SEMA3A: variants seen among roughly 807,000 people sequenced by gnomAD.
The protein encoded by SEMA3A is semaphorin 3A, also known as semaphorin-3A.
A neutral mutation model predicts 97.9 loss-of-function variants in SEMA3A; 29 were observed. That is an observed-to-expected ratio of 0.30 (90% CI 0.22 to 0.40). The LOEUF is 0.40. SEMA3A is among the 10% of genes least tolerant of loss of function. The pLI is 1.00. For missense variants in SEMA3A, 763 were observed against 951.3 expected (o/e 0.80, Z 2.60); for synonymous variants, 321 against 323.7 (o/e 0.99, Z 0.09).
At chr7:84,312,128 C>A (rs1449668713) in intron 2 of SEMA3A, among the ~76,000 whole-genome samples, 1 of 151,896 alleles carries the variant, frequency 6.6e-6, no homozygotes, top group African/African-American at 2.4e-5. Context: ...TTTAAGTAAG[C>A]AACTTCCAAA....
chr7:84,450,563 G>C (rs1051192438), intron 1 of SEMA3A, among the ~76,000 whole-genome samples: 1 of 152,188 alleles, frequency 6.6e-6, no homozygotes, highest in African/African-American at 2.4e-5. Context: ...ATTCTGGAAA[G>C]CTTTCCTAAA....
intron 3 of SEMA3A, among the ~76,000 whole-genome samples, chr7:84,272,107 A>G (rs1395574764): frequency 1.3e-5 from 2 of 152,102 alleles, no homozygotes; most frequent in Non-Finnish European, 2.9e-5. Flanking sequence ...TAATCAATGG[A>G]AAAAATAACT....
At chr7:84,379,574 T>G (rs2116133850) in intron 1 of SEMA3A, among the ~76,000 whole-genome samples, 2 of 152,234 alleles carry the variant, frequency 1.3e-5, no homozygotes, top group African/African-American at 4.8e-5. Flanking sequence ...CATAATTGTA[T>G]CTATTTATAA....
At chr7:84,441,544 A>G (rs148259358) in intron 1 of SEMA3A, among the ~76,000 whole-genome samples, 5 of 152,202 alleles carry the variant, frequency 3.3e-5, no homozygotes, top group Non-Finnish European at 5.9e-5. Context: ...ACAATGCCTT[A>G]GAGACCTATA....
At chr7:84,487,361 G>A (rs559058875) in intron 1 of SEMA3A, among the ~76,000 whole-genome samples, 12 of 152,076 alleles carry the variant, frequency 7.9e-5, no homozygotes, top group South Asian at 2.1e-4. Flanking sequence ...GTGGAAGTAA[G>A]CAGAGACTTC....
intron 2 of SEMA3A, among the ~76,000 whole-genome samples, chr7:84,319,586 A>G (rs1323978826): frequency 6.6e-6 from 1 of 152,158 alleles, no homozygotes; most frequent in Non-Finnish European, 1.5e-5. Flanking sequence ...ATTTTCTTAA[A>G]TAACATTTAA....
At chr7:83,993,207 G>T (rs1468681065) in intron 12 of SEMA3A, among the ~76,000 whole-genome samples, 1 of 114,664 alleles carries the variant, frequency 8.7e-6, no homozygotes, top group Non-Finnish European at 1.8e-5. Context: ...GAGCGTATGT[G>T]TGTCTCTGCA....
chr7:84,051,943 G>T (rs1792677840), intron 5 of SEMA3A, among the ~76,000 whole-genome samples: 2 of 150,276 alleles, frequency 1.3e-5, no homozygotes, highest in Admixed American at 6.6e-5. Context: ...TTTGTCAAAG[G>T]CCTTTTCTGC....
chr7:84,108,764 A>G (rs3779444), intron 4 of SEMA3A, among the ~76,000 whole-genome samples: 73,907 of 151,754 alleles, frequency 0.49, 19,230 homozygotes, highest in East Asian at 0.71. Context: ...AATTAGCCGG[A>G]CATGTCGGCT....
At chr7:84,104,363 A>C (rs1178205546) in intron 4 of SEMA3A, among the ~76,000 whole-genome samples, 2 of 152,112 alleles carry the variant, frequency 1.3e-5, no homozygotes, top group Non-Finnish European at 2.9e-5. Flanking sequence ...ACAAAACTAA[A>C]TATCCTTCAA....
intron 1 of SEMA3A, among the ~76,000 whole-genome samples, chr7:84,441,736 T>C (rs998758441): frequency 6.6e-6 from 1 of 152,160 alleles, no homozygotes; most frequent in Non-Finnish European, 1.5e-5. Flanking sequence ...AGATATATTA[T>C]AGTTAAACTG....
intron 1 of SEMA3A, among the ~76,000 whole-genome samples, chr7:84,435,777 T>C (rs949928273): frequency 2.6e-5 from 4 of 152,026 alleles, no homozygotes; most frequent in Non-Finnish European, 5.9e-5. Context: ...CAACACTATA[T>C]CTATCAAACT....
intron 6 of SEMA3A, among the ~76,000 whole-genome samples, chr7:84,028,923 G>A (rs1791643983): frequency 1.3e-5 from 2 of 151,938 alleles, no homozygotes; most frequent in Non-Finnish European, 1.5e-5. Context: ...CTGACCATAA[G>A]GTTTATTTTT....
intron 6 of SEMA3A, among the ~76,000 whole-genome samples, chr7:84,043,790 C>T (rs999693852): frequency 1.3e-5 from 2 of 152,006 alleles, no homozygotes; most frequent in African/African-American, 2.4e-5. Context: ...TCAGTTCTCA[C>T]GTTTAGTGCT....
At chr7:84,297,012 T>A (rs191987649) in intron 3 of SEMA3A, among the ~76,000 whole-genome samples, 14 of 152,300 alleles carry the variant, frequency 9.2e-5, no homozygotes, top group Non-Finnish European at 1.9e-4. Context: ...AGTTTCGATC[T>A]TGTTGCCCAG....
In SEMA3A at chr7:84,101,265, C is replaced by A. The variant is rs150743867; in HGVS notation, c.453+9205G>T. On this transcript the variant is annotated intron_variant, in intron 4 of 16. Coordinates refer to ENST00000265362, the MANE Select transcript of SEMA3A (RefSeq NM_006080.3). ...CATATAAAAAGCTTTCATGAAATGTCATGGATAACAAGAGGGGGTTCCATA... is the reference window on the plus strand; with the variant it reads ...CATATAAAAAGCTTTCATGAAATGTAATGGATAACAAGAGGGGGTTCCATA... Among the ~76,000 whole-genome samples the A allele has an allele frequency of 6.0e-3, 788 of 130,324 alleles. 11 individuals are homozygous for A. Among genetic ancestry groups the A allele is most frequent in the African/African-American group, 0.019 (752 of 39,776 alleles). 85.5% of individuals were successfully genotyped at this position (130,324 alleles called of 152,430 possible).
chr7:84,344,353 C>A (rs1239813184), intron 2 of SEMA3A, among the ~76,000 whole-genome samples: 1 of 152,078 alleles, frequency 6.6e-6, no homozygotes, highest in African/African-American at 2.4e-5. Flanking sequence ...AAAGGTAGAG[C>A]AGAACTGTGA....
chr7:84,150,083 T>C (rs994745096), intron 1 of SEMA3A, among the ~76,000 whole-genome samples: 16 of 152,314 alleles, frequency 1.1e-4, no homozygotes, highest in African/African-American at 3.8e-4. Context: ...CAGTTTTGGA[T>C]TGAATAGTTG....
chr7:84,312,306 C>T (rs1402318317), intron 2 of SEMA3A, among the ~76,000 whole-genome samples: 1 of 151,628 alleles, frequency 6.6e-6, no homozygotes, highest in Non-Finnish European at 1.5e-5. Flanking sequence ...TTCTTAGTGC[C>T]TTTTTCAGCA....
Sources: allele counts gnomAD v4.1 joint callset (sites outside exome capture counted in the v4.1 genomes callset), GRCh38; gene constraint gnomAD v4.1.1; transcripts MANE v1.5; gene names NCBI Gene and HGNC (gene_info 2026-07-23, HGNC 2026-07-21).